The following PACS1 variants were observed in gnomAD, a reference collection of about 807,000 sequenced individuals.
PACS1 encodes the protein phosphofurin acidic cluster sorting protein 1.
A neutral mutation model predicts 115.0 loss-of-function variants in PACS1; 24 were observed. That is an observed-to-expected ratio of 0.21 (90% CI 0.15 to 0.29). The LOEUF (loss-of-function observed/expected upper bound fraction) is 0.29, where lower values mean the gene tolerates loss of function less well. Ranked by LOEUF, PACS1 falls within the 10% of genes least tolerant of loss-of-function variation. The pLI is 1.00. For missense variants in PACS1, 838 were observed against 1,251.2 expected, an observed-to-expected ratio of 0.67 and a Z score of 4.98; for synonymous variants, 453 against 504.5, an observed-to-expected ratio of 0.90 and a Z score of 1.37.
chr11:66,186,145 T>C (rs1353263263), intron 1 of PACS1, among the ~76,000 whole-genome samples: 1 of 151,938 alleles, frequency 6.6e-6, no homozygotes, highest in Admixed American at 6.6e-5. Context: ...TGCGGTAGAA[T>C]GCACCTGTAG....
At chr11:66,100,324 CTATTCTCAGTA>C (rs1485594009) in intron 1 of PACS1, among the ~76,000 whole-genome samples, 1 of 152,178 alleles carries the variant, frequency 6.6e-6, no homozygotes, top group Non-Finnish European at 1.5e-5. Flanking sequence ...CTGGCTTTCA[CTATTCTCAGTA>C]TATTTACTTA....
At chr11:66,112,272 C>A (rs1014545285) in intron 1 of PACS1, among the ~76,000 whole-genome samples, 1 of 152,164 alleles carries the variant, frequency 6.6e-6, no homozygotes, top group Admixed American at 6.6e-5. Context: ...TGTTTCTTAC[C>A]CTCTTCGCCT....
chr11:66,223,054 CAAAAA>C (rs71461612), intron 10 of PACS1, among the ~76,000 whole-genome samples: 3 of 75,006 alleles, frequency 4.0e-5, no homozygotes, highest in South Asian at 4.8e-4. Context: ...CCTCGATTTA[CAAAAA>C]AAAAAAAAAA....
chr11:66,070,363 G>T lies in PACS1; in HGVS notation c.-124G>T. ...GCCCCGCGCGTGCGTGCAGCTCGCT[G>T]GCTGCTCGCGCTCGGGCAGGCGGGC... On this transcript the variant is annotated 5_prime_UTR_variant, in exon 1 of 24. Transcript: ENST00000320580. This position sits in a 1 kb window ranked among gnomAD's most constrained non-coding sequence, Gnocchi z 5.9. 1 of 463,650 alleles carries T rather than the reference G, an allele frequency of 2.2e-6. No homozygotes were observed. Among genetic ancestry groups the T allele is most frequent in the Admixed American group, 5.1e-5 (1 of 19,688 alleles). 28.7% of individuals were successfully genotyped at this position (463,650 alleles called of 1,614,324 possible).
intron 1 of PACS1, among the ~76,000 whole-genome samples, chr11:66,191,908 A>G (rs1358011624): frequency 1.3e-5 from 2 of 152,266 alleles, no homozygotes; most frequent in East Asian, 3.9e-4. Context: ...CTGTAATCCC[A>G]GCTACCCAGG....
intron 1 of PACS1, among the ~76,000 whole-genome samples, chr11:66,115,707 A>T (rs1858289942): frequency 6.6e-6 from 1 of 152,200 alleles, no homozygotes; most frequent in Non-Finnish European, 1.5e-5. Context: ...TTTTGCCTGC[A>T]TGTTTAGTTA....
chr11:66,073,073 C>T (rs1331176678), intron 1 of PACS1, among the ~76,000 whole-genome samples: 1 of 152,222 alleles, frequency 6.6e-6, no homozygotes, highest in Non-Finnish European at 1.5e-5. Context: ...AGTTACGTCA[C>T]GTTTACTGAC....
chr11:66,216,126 A>C lies in PACS1; in HGVS notation c.668A>C (p.Gln223Pro), dbSNP rs1455082296. Reference sequence around the variant, plus strand: ...ACCTCCCCTGGCTCCTAGGTGATGCAGCATCCTAATGAAGGCGCACTGGTG... The same window carrying C: ...ACCTCCCCTGGCTCCTAGGTGATGCCGCATCCTAATGAAGGCGCACTGGTG... Reference protein sequence around the residue: ...VGLINMAEVMQHPNEGALVLG... With the variant: ...VGLINMAEVMPHPNEGALVLG... Residue 223 changes from glutamine (Q) to proline (P), a missense_variant, in exon 5 of 24, where the codon CAG (glutamine) becomes CCG (proline). Gln to Pro is a moderately conservative substitution (Grantham distance 76, BLOSUM62 -1). This residue lies in a region of PACS1 where 223 missense variants were observed against 354.0 expected (regional missense o/e 0.63). Transcript: ENST00000320580. The C allele has an allele frequency of 6.2e-7, 1 of 1,613,888 alleles. No homozygotes were observed. The highest frequency in any genetic ancestry group is 8.5e-7 in the Non-Finnish European group (1 of 1,179,958).
intron 4 of PACS1, 133 bp from the exon 5 acceptor site, chr11:66,215,986 G>A (rs1370006512): frequency 3.4e-6 from 2 of 594,602 alleles, no homozygotes; most frequent in Non-Finnish European, 5.9e-6. Context: ...AGGACAGTAG[G>A]CATGGATTTG....
At chr11:66,143,528 T>G (rs149660859) in intron 1 of PACS1, among the ~76,000 whole-genome samples, 6 of 152,196 alleles carry the variant, frequency 3.9e-5, no homozygotes. Flanking sequence ...CTGCCTGTCA[T>G]GTTCTACCAC....
chr11:66,216,369 C>A (rs1855209494), intron 5 of PACS1, 106 bp downstream of exon 5: 1 of 1,470,816 alleles, frequency 6.8e-7, no homozygotes, highest in Non-Finnish European at 9.4e-7. Context: ...CCTTTAGAGA[C>A]CCCTGAAAGT....
intron 1 of PACS1, among the ~76,000 whole-genome samples, chr11:66,075,378 C>T (rs1250278299): frequency 6.6e-6 from 1 of 151,924 alleles, no homozygotes; most frequent in African/African-American, 2.4e-5. Flanking sequence ...GTAGCTGGGA[C>T]CATAGGCACT....
chr11:66,153,915 GAC>G (rs1288183178), intron 1 of PACS1, among the ~76,000 whole-genome samples: 1 of 152,140 alleles, frequency 6.6e-6, no homozygotes, highest in Non-Finnish European at 1.5e-5. Context: ...GCTTAGAAGA[GAC>G]ACACTTTAAA....
chr11:66,072,980 G>T (rs1347033998), intron 1 of PACS1, among the ~76,000 whole-genome samples: 1 of 152,214 alleles, frequency 6.6e-6, no homozygotes, highest in African/African-American at 2.4e-5. Context: ...AAACAGCCAG[G>T]CATCCTGATC....
chr11:66,107,149 C>T (rs1053126155), intron 1 of PACS1, among the ~76,000 whole-genome samples: 5 of 152,176 alleles, frequency 3.3e-5, no homozygotes, highest in African/African-American at 1.2e-4. Flanking sequence ...GCGGACAGCA[C>T]CCTCCCCCAG....
At chr11:66,163,685 G>C (rs1461288427) in intron 1 of PACS1, among the ~76,000 whole-genome samples, 1 of 152,132 alleles carries the variant, frequency 6.6e-6, no homozygotes, top group African/African-American at 2.4e-5. Context: ...TAAGATAATG[G>C]TATTTTCTGT....
In PACS1 at chr11:66,202,726, G is replaced by GGAAAAAA. The variant is rs1554988658; in HGVS notation, c.445-7636_445-7635insGAAAAAA. The stretch of plus-strand genomic sequence containing the variant: ...CAACATGGCAAAACCTCATCTCTAG[G>GGAAAAAA]AAAAAAAAAAAAAAAAATATATATA... On this transcript the variant is annotated intron_variant, in intron 2 of 23. Coordinates refer to ENST00000320580, the MANE Select transcript of PACS1 (RefSeq NM_018026.4). 5.8e-3 allele frequency among the ~76,000 whole-genome samples: 63 copies of GGAAAAAA among 10,944 alleles called. 3 individuals are homozygous for GGAAAAAA. Among genetic ancestry groups the GGAAAAAA allele is most frequent in the African/African-American group, 0.012 (51 of 4,170 alleles). The allele number at this position is 10,944 out of a possible 152,430, so 7.2% of individuals were successfully genotyped here. A position where few individuals can be genotyped will look rare whatever the true frequency, so the allele number is the denominator to read the frequency against.
chr11:66,075,190 G>T (rs890374125), intron 1 of PACS1, among the ~76,000 whole-genome samples: 4 of 151,994 alleles, frequency 2.6e-5, no homozygotes, highest in African/African-American at 9.7e-5. Flanking sequence ...TGATCTGCCC[G>T]CCTTGGCCTT....
rs976534664 is a variant in PACS1 at position 66,112,164 on chromosome 11, T to A, written c.356+41322T>A. Among the ~76,000 whole-genome samples the A allele has an allele frequency of 5.3e-5, 8 of 152,328 alleles. No homozygotes were observed. In the East Asian group the frequency reaches 1.5e-3, roughly 29 times the overall value. On this transcript the variant is annotated intron_variant, in intron 1 of 23. Transcript: ENST00000320580. ...GGTCTCTTTGAAATGCAGATCTGAT[T>A]GTTGCACTCACCTGCCTAATCCCCT...
Sources: gnomAD v4.1 joint callset for allele counts (sites outside exome capture counted in the v4.1 genomes callset) on GRCh38, gnomAD v4.1.1 for gene constraint, gnomAD v4.1.1 regional missense constraint, Gnocchi (gnomAD v3.1) non-coding constraint, MANE v1.5 for transcripts, NCBI Gene and HGNC (gene_info 2026-07-23, HGNC 2026-07-21) for gene names.